Variants in RBFOX1 observed in about 807,000 individuals in gnomAD.
RBFOX1 encodes the protein RNA binding protein fox-1 homolog 1.
A neutral mutation model predicts 57.7 loss-of-function variants in RBFOX1; 8 were observed. The ratio of observed to expected loss-of-function variants is 0.14; its 90% CI spans 0.08 to 0.25. The LOEUF is 0.25. Among genes scored for constraint, RBFOX1 ranks in the 10% least tolerant of loss-of-function variants. The pLI, the probability that RBFOX1 is intolerant of heterozygous loss-of-function variation, is 1.00. For synonymous variants in RBFOX1, 326 were observed against 222.4 expected (o/e 1.47, Z -4.15); for missense variants, 611 against 548.5 (o/e 1.11, Z -1.14).
At chr16:6,710,552 G>T (rs539537463) in intron 3 of RBFOX1, among the ~76,000 whole-genome samples, 1 of 152,334 alleles carries the variant, frequency 6.6e-6, no homozygotes, top group South Asian at 2.1e-4. Context: ...TTTATCTAAA[G>T]GTGCAGGTCT....
At chr16:6,279,693 C>G (rs897486568) in intron 1 of RBFOX1, among the ~76,000 whole-genome samples, 1 of 152,148 alleles carries the variant, frequency 6.6e-6, no homozygotes, top group African/African-American at 2.4e-5. Context: ...TATATTTGAT[C>G]TTTACTGAGG....
chr16:6,885,716 G>T (rs769049618), intron 3 of RBFOX1, among the ~76,000 whole-genome samples: 1 of 151,964 alleles, frequency 6.6e-6, no homozygotes, highest in Non-Finnish European at 1.5e-5. Flanking sequence ...ATCTTTAGTA[G>T]AGACTGGGTT....
chr16:7,178,355 G>A (rs187627195), intron 4 of RBFOX1, among the ~76,000 whole-genome samples: 1 of 152,164 alleles, frequency 6.6e-6, no homozygotes, highest in Non-Finnish European at 1.5e-5. Context: ...AAATGACTGG[G>A]TCACTAACAA....
chr16:7,485,695 A>G (rs568486604), intron 4 of RBFOX1, among the ~76,000 whole-genome samples: 52 of 152,324 alleles, frequency 3.4e-4, no homozygotes, highest in African/African-American at 1.1e-3. Context: ...ATTATGTGAA[A>G]CACATCCATA....
intron 3 of RBFOX1, among the ~76,000 whole-genome samples, chr16:5,811,331 C>G (rs1037057477): frequency 2.0e-5 from 3 of 151,396 alleles, no homozygotes; most frequent in Admixed American, 1.3e-4. Flanking sequence ...ACGGGGTTTC[C>G]CTGGTTTCCC....
At chr16:6,283,628 A>G (rs1240061710) in intron 1 of RBFOX1, among the ~76,000 whole-genome samples, 2 of 152,158 alleles carry the variant, frequency 1.3e-5, no homozygotes, top group Admixed American at 6.6e-5. Flanking sequence ...CTTTATAGAT[A>G]TTGCACCAGT....
chr16:7,036,456 A>T (rs1196621543), intron 3 of RBFOX1, among the ~76,000 whole-genome samples: 1 of 151,996 alleles, frequency 6.6e-6, no homozygotes, highest in Non-Finnish European at 1.5e-5. Context: ...CACGCTTGTA[A>T]TCTCAATACT....
At chr16:7,671,047 A>C (rs2071269732) in intron 13 of RBFOX1, among the ~76,000 whole-genome samples, 1 of 152,206 alleles carries the variant, frequency 6.6e-6, no homozygotes, top group African/African-American at 2.4e-5. Context: ...CTTCAGTGTA[A>C]TTCATGAATT....
chr16:7,383,541 G>A (rs747392699), intron 4 of RBFOX1, among the ~76,000 whole-genome samples: 6 of 152,018 alleles, frequency 3.9e-5, no homozygotes, highest in African/African-American at 9.7e-5. Flanking sequence ...GTGAACATCA[G>A]GAAATACTTT....
intron 4 of RBFOX1, among the ~76,000 whole-genome samples, chr16:5,887,400 T>C (rs191541914): frequency 1.8e-4 from 27 of 152,186 alleles, no homozygotes; most frequent in Admixed American, 1.8e-3. Context: ...TCTCCTGTGT[T>C]ATTTGTTTGT....
At chr16:7,062,890 GCCATTTTT>G (rs2054840730) in intron 4 of RBFOX1, among the ~76,000 whole-genome samples, 1 of 80,260 alleles carries the variant, frequency 1.2e-5, no homozygotes, top group Non-Finnish European at 2.2e-5. Flanking sequence ...TCAAATGATC[GCCATTTTT>G]TTTTTTTTTT....
chr16:7,033,967 T>C (rs1483785376), intron 3 of RBFOX1, among the ~76,000 whole-genome samples: 1 of 152,200 alleles, frequency 6.6e-6, no homozygotes, highest in African/African-American at 2.4e-5. Context: ...AGACCCTGTC[T>C]AAAATGTCTA....
intron 3 of RBFOX1, chr16:6,983,761 T>G (rs1271377620): frequency 6.6e-6 from 1 of 152,458 alleles, no homozygotes; most frequent in Non-Finnish European, 1.5e-5. Context: ...TGATGTAGGC[T>G]GGGTGGCTGC....
At chr16:5,326,953 C>T (rs927120277) in intron 1 of RBFOX1, among the ~76,000 whole-genome samples, 2 of 152,278 alleles carry the variant, frequency 1.3e-5, no homozygotes, top group East Asian at 3.9e-4. Context: ...TGAGGGTAAA[C>T]AGCAAACAAA....
chr16:6,603,064 C>G (rs1208802808), intron 2 of RBFOX1, among the ~76,000 whole-genome samples: 1 of 152,138 alleles, frequency 6.6e-6, no homozygotes, highest in Non-Finnish European at 1.5e-5. Flanking sequence ...TACTCTTCAT[C>G]CTAGTAGCAA....
chr16:5,442,262 G>A (rs2068106869), intron 1 of RBFOX1, among the ~76,000 whole-genome samples: 1 of 152,206 alleles, frequency 6.6e-6, no homozygotes, highest in Admixed American at 6.5e-5. Flanking sequence ...GAGTAGTACT[G>A]CACAGGGATG....
chr16:6,596,120 A>G (rs1244211622), intron 2 of RBFOX1, among the ~76,000 whole-genome samples: 2 of 152,148 alleles, frequency 1.3e-5, no homozygotes, highest in Non-Finnish European at 2.9e-5. Flanking sequence ...CAATTAAAAA[A>G]TGGATACAGT....
At chr16:6,702,507 T>C (rs751464788) in intron 3 of RBFOX1, among the ~76,000 whole-genome samples, 17 of 151,938 alleles carry the variant, frequency 1.1e-4, no homozygotes, top group Admixed American at 2.6e-4. Context: ...TGAGCCAAGA[T>C]TGTGCCATTG....
At chr16:7,502,678 G>C (rs1051611025) in intron 4 of RBFOX1, among the ~76,000 whole-genome samples, 1 of 152,112 alleles carries the variant, frequency 6.6e-6, no homozygotes. Context: ...ATGTGGTGAG[G>C]CATAAACTTT....
Sources: gnomAD v4.1 joint callset for allele counts (sites outside exome capture counted in the v4.1 genomes callset) on GRCh38, gnomAD v4.1.1 for gene constraint, MANE v1.5 for transcripts, NCBI Gene and HGNC (gene_info 2026-07-23, HGNC 2026-07-21) for gene names.